Variants in RYR2 observed in about 807,000 individuals in gnomAD.
The protein encoded by RYR2 is cardiac muscle ryanodine receptor-calcium release channel.
In RYR2, 227 loss-of-function variants were observed where a neutral mutation model predicts 601.1. The ratio of observed to expected loss-of-function variants is 0.38; its 90% confidence interval spans 0.34 to 0.42. The LOEUF (loss-of-function observed/expected upper bound fraction) is 0.42, where lower values mean the gene tolerates loss of function less well. Ranked by LOEUF, RYR2 falls within the 10% of genes least tolerant of loss-of-function variation. The pLI is 1.00. For missense variants in RYR2, 4,646 were observed against 6,156.5 expected (o/e 0.75, Z 8.21); for synonymous variants, 2,223 against 2,175.1 (o/e 1.02, Z -0.61).
At position 237,474,298 on chromosome 1, in the gene RYR2, C is replaced by T. The variant is rs562889770; in HGVS notation, c.1708+5111C>T. 5.3e-4 allele frequency among the ~76,000 whole-genome samples: 66 copies of T among 124,090 alleles called. 3 individuals are homozygous for T. The South Asian group carries it at 0.017, about 33-fold the overall frequency. The allele number at this position is 124,090 out of a possible 152,430, so 81.4% of individuals were successfully genotyped here. On this transcript the variant is annotated intron_variant, in intron 17 of 104. Coordinates refer to ENST00000366574, the MANE Select transcript of RYR2 (RefSeq NM_001035.3). ...ACACACACACACATATATATATATA[C>T]ACACACACACATACATACATATGTA... is the stretch of plus-strand genomic sequence containing the variant.
intron 24 of RYR2, among the ~76,000 whole-genome samples, chr1:237,519,843 G>T (rs1048975560): frequency 2.0e-5 from 3 of 152,054 alleles, no homozygotes; most frequent in African/African-American, 7.2e-5. Flanking sequence ...GATATGAGTT[G>T]CATTGAATTT....
rs552050895 is a variant in RYR2, at chr1:237,723,213, C to T, written c.10640C>T (p.Thr3547Met). The T allele has an allele frequency of 2.3e-5, 37 of 1,610,458 alleles. 1 individual carries two copies. Among genetic ancestry groups the T allele is most frequent in the East Asian group, 2.2e-5 (1 of 44,822 alleles). Residue 3547 changes from threonine (T) to methionine (M), a missense_variant, in exon 74 of 105, where the codon ACG becomes ATG. Physicochemically the swap from Thr to Met is moderately conservative, Grantham distance 81. Around this residue, in one of 17 missense-constraint regions of RYR2, gnomAD observed 1,497 missense variants for 1,842.6 expected, o/e 0.81. Transcript: ENST00000366574. ...RTDDTSDPEK[T>M]VERVLDIANV... ...GATGATACCTCAGATCCAGAGAAGA[C>T]GGTAGAAAGAGTATTGGATATAGCA... is the stretch of plus-strand genomic sequence containing the variant.
At chr1:237,707,674 A>G (rs527617431) in intron 68 of RYR2, among the ~76,000 whole-genome samples, 2 of 152,350 alleles carry the variant, frequency 1.3e-5, no homozygotes, top group South Asian at 4.1e-4. Context: ...CATTATTTGT[A>G]TTGAAAAGTT....
At chr1:237,603,637 T>A (rs1676766100) in intron 35 of RYR2, among the ~76,000 whole-genome samples, 1 of 152,116 alleles carries the variant, frequency 6.6e-6, no homozygotes, top group Admixed American at 6.6e-5. Context: ...ACTGGCAAAT[T>A]GGATAAAGAG....
At chr1:237,549,340 T>C (rs1461091166) in intron 26 of RYR2, among the ~76,000 whole-genome samples, 1 of 152,042 alleles carries the variant, frequency 6.6e-6, no homozygotes. Flanking sequence ...TTTGGGAGGC[T>C]AAGGTGGGAG....
At chr1:237,661,709 C>T (rs1683818822) in intron 56 of RYR2, among the ~76,000 whole-genome samples, 1 of 152,076 alleles carries the variant, frequency 6.6e-6, no homozygotes, top group Admixed American at 6.6e-5. Context: ...CTCCTGTCTG[C>T]AGAGGGAAGG....
At chr1:237,678,454 T>C (rs560027053) in intron 61 of RYR2, among the ~76,000 whole-genome samples, 1 of 152,348 alleles carries the variant, frequency 6.6e-6, no homozygotes, top group Admixed American at 6.5e-5. Context: ...AGTTGAGAAT[T>C]TCTTTTATAA....
At chr1:237,051,145 C>G (rs1483165813) in intron 1 of RYR2, among the ~76,000 whole-genome samples, 1 of 151,290 alleles carries the variant, frequency 6.6e-6, no homozygotes, top group Non-Finnish European at 1.5e-5. Context: ...GTTCCTTTCC[C>G]TTTGTCTTTC....
At chr1:237,641,469 C>CTTTCT (rs1376609923) in intron 47 of RYR2, among the ~76,000 whole-genome samples, 1 of 24,938 alleles carries the variant, frequency 4.0e-5, no homozygotes, top group African/African-American at 7.6e-5. Context: ...TAGTGTCTGT[C>CTTTCT]TGTCTTTCTT....
chr1:237,561,215 C>T (rs918050559), intron 27 of RYR2, among the ~76,000 whole-genome samples: 1 of 152,100 alleles, frequency 6.6e-6, no homozygotes, highest in Non-Finnish European at 1.5e-5. Context: ...TTTGATTTTA[C>T]CGAAGTTATG....
At chr1:237,797,133 G>A (rs1659350833) in intron 96 of RYR2, among the ~76,000 whole-genome samples, 1 of 151,962 alleles carries the variant, frequency 6.6e-6, no homozygotes, top group Non-Finnish European at 1.5e-5. Flanking sequence ...ATGAACCAGA[G>A]GCCAAGAAGA....
At chr1:237,722,924 A>T (rs1358648214) in intron 73 of RYR2, among the ~76,000 whole-genome samples, 2 of 152,180 alleles carry the variant, frequency 1.3e-5, no homozygotes, top group Non-Finnish European at 2.9e-5. Context: ...TATGAATTGC[A>T]GCATTATTAA....
chr1:237,650,627 G>A (rs955033489), intron 50 of RYR2, among the ~76,000 whole-genome samples: 1 of 152,114 alleles, frequency 6.6e-6, no homozygotes, highest in African/African-American at 2.4e-5. Context: ...AACCAGAAAC[G>A]TATCTCCCCC....
At chr1:237,237,470 G>A (rs902962705) in intron 1 of RYR2, among the ~76,000 whole-genome samples, 10 of 152,184 alleles carry the variant, frequency 6.6e-5, no homozygotes, top group Non-Finnish European at 1.5e-4. Flanking sequence ...AATTGGACAT[G>A]TTCCGTTACA....
chr1:237,364,870 G>A (rs1278746023), intron 5 of RYR2, among the ~76,000 whole-genome samples: 3 of 152,164 alleles, frequency 2.0e-5, no homozygotes, highest in Middle Eastern at 3.2e-3. Context: ...GAGGCACCAA[G>A]AAACTACTTC....
chr1:237,680,878 T>G (rs1191589585), intron 62 of RYR2, among the ~76,000 whole-genome samples: 1 of 152,236 alleles, frequency 6.6e-6, no homozygotes, highest in East Asian at 1.9e-4. Context: ...GTATTTGTGA[T>G]AAATGGTACT....
intron 28 of RYR2, among the ~76,000 whole-genome samples, 175 bp from the exon 29 acceptor site, chr1:237,568,970 A>G (rs1321555243): frequency 6.6e-6 from 1 of 152,156 alleles, no homozygotes; most frequent in Non-Finnish European, 1.5e-5. Flanking sequence ...GGGATTTAGA[A>G]TTCCCAGACA....
chr1:237,155,633 T>C (rs895419184), intron 1 of RYR2, among the ~76,000 whole-genome samples: 3 of 152,228 alleles, frequency 2.0e-5, no homozygotes, highest in Admixed American at 6.5e-5. Flanking sequence ...CATTTAAATG[T>C]TCTTACAGTT....
At chr1:237,422,900 T>C (rs548684424) in intron 11 of RYR2, among the ~76,000 whole-genome samples, 192 bp from the exon 12 acceptor site, 1 of 152,368 alleles carries the variant, frequency 6.6e-6, no homozygotes, top group African/African-American at 2.4e-5. Context: ...GCTTTGCGAC[T>C]TTGTGTATTA....
Sources: gnomAD v4.1 joint callset for allele counts (sites outside exome capture counted in the v4.1 genomes callset) on GRCh38, gnomAD v4.1.1 for gene constraint, gnomAD v4.1.1 regional missense constraint, MANE v1.5 for transcripts, NCBI Gene and HGNC (gene_info 2026-07-23, HGNC 2026-07-21) for gene names.